Variants in GLG1 observed in about 807,000 individuals in gnomAD.
GLG1 encodes Golgi apparatus protein 1.
GLG1 carries 38 observed loss-of-function variants against 160.5 expected under a neutral mutation model. The observed-to-expected ratio is 0.24, with a 90% CI of 0.18 to 0.31. The LOEUF is 0.31. GLG1 is among the 10% of genes least tolerant of loss of function. The pLI, the probability that GLG1 is intolerant of heterozygous loss-of-function variation, is 1.00. For missense variants in GLG1, 1,373 were observed against 1,505.2 expected (o/e 0.91, Z 1.45); for synonymous variants, 644 against 543.4 (o/e 1.19, Z -2.57).
chr16:74,479,808 CTG>C (rs1287734549), intron 11 of GLG1, among the ~76,000 whole-genome samples: 1 of 152,182 alleles, frequency 6.6e-6, no homozygotes, highest in Non-Finnish European at 1.5e-5. Context: ...TACCAAGAGA[CTG>C]AGGTATGGAG....
intron 20 of GLG1, chr16:74,462,935 C>T (rs2014858894): frequency 2.3e-6 from 1 of 444,362 alleles, no homozygotes; most frequent in Non-Finnish European, 4.0e-6. Context: ...CCATAACAGA[C>T]ACTTTTGAGA....
intron 22 of GLG1, chr16:74,461,836 A>G (rs2014809851): frequency 6.0e-6 from 2 of 331,984 alleles, no homozygotes; most frequent in African/African-American, 4.3e-5. Context: ...AGGGAAGAAC[A>G]AATTTACAGA....
rs2014369351 is a variant in GLG1 at position 74,452,740 on chromosome 16, AT to A, written c.*426del. 2 of 993,114 alleles carry A rather than the reference AT, an allele frequency of 2.0e-6. No homozygotes were observed. Among genetic ancestry groups the A allele is most frequent in the African/African-American group, 3.5e-5 (2 of 57,388 alleles). The allele number at this position is 993,114 out of a possible 1,614,324, so 61.5% of individuals were successfully genotyped here. A position where few individuals can be genotyped will look rare whatever the true frequency, so the allele number is the denominator to read the frequency against. On this transcript the variant is annotated 3_prime_UTR_variant, in exon 26 of 26. Transcript: ENST00000422840. The stretch of plus-strand genomic sequence containing the variant: ...TGTTTTACACAGTCATATGAAAGAC[AT>A]AACCCCATTGCCCAAATCAAGCCTG...
chr16:74,514,895 T>G (rs904229863), intron 2 of GLG1, among the ~76,000 whole-genome samples: 1 of 151,666 alleles, frequency 6.6e-6, no homozygotes, highest in South Asian at 2.1e-4. Context: ...AGGAGACGCA[T>G]CTCATGTGCA....
At chr16:74,594,912 G>A (rs1958264662) in intron 1 of GLG1, among the ~76,000 whole-genome samples, 2 of 152,160 alleles carry the variant, frequency 1.3e-5, no homozygotes, top group Admixed American at 6.6e-5. Context: ...ATTTAAGGCC[G>A]GCGCGGTGGC....
At position 74,448,097 on chromosome 16, in the gene GLG1, C is replaced by T. The variant is rs1398731390; in HGVS notation, c.*5070G>A. Reference sequence around the variant, plus strand: ...GATCCAGGTGACAAATAATCAGTCCCTGGTCCCCACAATGACCTCACCAGA... The same window carrying T: ...GATCCAGGTGACAAATAATCAGTCCTTGGTCCCCACAATGACCTCACCAGA... On this transcript the variant is annotated 3_prime_UTR_variant, in exon 26 of 26. Transcript: ENST00000422840. The T allele has an allele frequency of 6.6e-6, 1 of 152,284 alleles. No homozygotes were observed. Among genetic ancestry groups the T allele is most frequent in the Non-Finnish European group, 1.5e-5 (1 of 68,068 alleles). 9.4% of individuals were successfully genotyped at this position (152,284 alleles called of 1,614,324 possible).
intron 1 of GLG1, among the ~76,000 whole-genome samples, chr16:74,548,554 A>G (rs193051953): frequency 1.1e-4 from 17 of 152,326 alleles, no homozygotes; most frequent in Non-Finnish European, 2.2e-4. Flanking sequence ...TAGGCTTCCA[A>G]AAACAGCTTA....
chr16:74,512,502 A>G (rs1166776380), intron 2 of GLG1, among the ~76,000 whole-genome samples: 1 of 152,004 alleles, frequency 6.6e-6, no homozygotes, highest in Non-Finnish European at 1.5e-5. Context: ...TGACCTCGTG[A>G]TCTGCTGGCT....
At chr16:74,479,456 A>C (rs978263010) in intron 11 of GLG1, among the ~76,000 whole-genome samples, 2 of 151,878 alleles carry the variant, frequency 1.3e-5, no homozygotes, top group Non-Finnish European at 2.9e-5. Flanking sequence ...GAAAAAAAAA[A>C]AAAAAACAAA....
chr16:74,451,846 C>A lies in GLG1; in HGVS notation c.*1321G>T. 1.9e-6 allele frequency: 1 copy of A among 525,358 alleles called. No individual in the cohort carries two copies. Among genetic ancestry groups the A allele is most frequent in the South Asian group, 2.3e-5 (1 of 43,750 alleles). 32.5% of individuals were successfully genotyped at this position (525,358 alleles called of 1,614,324 possible). On this transcript the variant is annotated 3_prime_UTR_variant, in exon 26 of 26. Transcript: ENST00000422840. ...GGCGGGATGGCCAAGAATATTGCTTCTATAAAGCCCATATTCTGCAAAGGT... is the reference window on the plus strand; with the variant it reads ...GGCGGGATGGCCAAGAATATTGCTTATATAAAGCCCATATTCTGCAAAGGT...
At chr16:74,459,913 T>G (rs928810132) in intron 22 of GLG1, 124 bp from the exon 23 acceptor site, 2 of 544,848 alleles carry the variant, frequency 3.7e-6, no homozygotes, top group Non-Finnish European at 6.4e-6. Context: ...TGCAGTGCAG[T>G]GGTGCGATCT....
chr16:74,562,646 G>C (rs2018541357), intron 1 of GLG1, among the ~76,000 whole-genome samples: 1 of 152,154 alleles, frequency 6.6e-6, no homozygotes, highest in Non-Finnish European at 1.5e-5. Flanking sequence ...TTTTAGTAGA[G>C]ATGGGGTTTC....
chr16:74,542,741 GGAAGGAAGGAAGGAAGGAAGGA>G (rs2017919065), intron 1 of GLG1, among the ~76,000 whole-genome samples: 1 of 9,692 alleles, frequency 1.0e-4, no homozygotes. Context: ...AAGGGAGGAA[GGAAGGAAGGAAGGAAGGAAGGA>G]AGGAAGGAAG....
intron 1 of GLG1, among the ~76,000 whole-genome samples, chr16:74,567,561 T>TC (rs1364545060): frequency 6.0e-5 from 8 of 132,626 alleles, no homozygotes; most frequent in Non-Finnish European, 1.3e-4. Context: ...TTTCTTTTTT[T>TC]TTTTTTTTTT....
intron 5 of GLG1, among the ~76,000 whole-genome samples, chr16:74,495,552 G>C (rs2016154937): frequency 1.3e-5 from 2 of 152,216 alleles, no homozygotes; most frequent in South Asian, 2.1e-4. Flanking sequence ...TTTGTTGTAA[G>C]GATGGAGAGA....
chr16:74,604,184 G>C (rs1958509790), intron 1 of GLG1, among the ~76,000 whole-genome samples: 1 of 152,088 alleles, frequency 6.6e-6, no homozygotes, highest in Non-Finnish European at 1.5e-5. Context: ...GCGAGACCCT[G>C]TCTCCATAAT....
chr16:74,463,751 T>TTG, intron 19 of GLG1: 2 of 415,138 alleles, frequency 4.8e-6, no homozygotes, highest in Non-Finnish European at 8.8e-6. Flanking sequence ...GTTGTTGTTG[T>TTG]TTTAGCAGAG....
intron 2 of GLG1, among the ~76,000 whole-genome samples, chr16:74,524,464 T>A (rs1291651186): frequency 6.6e-6 from 1 of 152,178 alleles, no homozygotes; most frequent in Non-Finnish European, 1.5e-5. Context: ...AATTGGAAAT[T>A]TGAATGCTAA....
intron 1 of GLG1, among the ~76,000 whole-genome samples, chr16:74,593,811 T>C (rs535543132): frequency 1.3e-5 from 2 of 152,304 alleles, no homozygotes; most frequent in East Asian, 1.9e-4. Context: ...ATGTAGAACT[T>C]ACATTCCTAT....
Sources: allele counts gnomAD v4.1 joint callset (sites outside exome capture counted in the v4.1 genomes callset), GRCh38; gene constraint gnomAD v4.1.1; transcripts MANE v1.5; gene names NCBI Gene and HGNC (gene_info 2026-07-23, HGNC 2026-07-21).